The following KIF21A variants were observed in gnomAD, a reference collection of about 807,000 sequenced individuals.
The protein encoded by KIF21A is kinesin family member 21A.
In KIF21A, 114 loss-of-function variants were observed where a neutral mutation model predicts 202.9. The ratio of observed to expected loss-of-function variants is 0.56; its 90% CI spans 0.48 to 0.66. KIF21A has a LOEUF of 0.66. Ranked by LOEUF, KIF21A falls within the 30% of genes least tolerant of loss-of-function variation. The probability of loss-of-function intolerance (pLI) is 0.00; values close to 1 mark genes in which losing one functional copy is unlikely to be tolerated. For synonymous variants in KIF21A, 667 were observed against 670.8 expected (o/e 0.99, Z 0.09); for missense variants, 1,677 against 1,994.9 (o/e 0.84, Z 3.04).
At chr12:39,436,448 A>ATAT (rs1387332677) in intron 1 of KIF21A, among the ~76,000 whole-genome samples, 106 of 95,758 alleles carry the variant, frequency 1.1e-3, no homozygotes, top group Non-Finnish European at 1.6e-3. Context: ...ATATATATAT[A>ATAT]TTTTTTTTTT....
intron 24 of KIF21A, among the ~76,000 whole-genome samples, chr12:39,328,387 T>C (rs1222559439): frequency 1.3e-5 from 2 of 152,164 alleles, no homozygotes; most frequent in African/African-American, 2.4e-5. Context: ...TGTGAACTCT[T>C]ATCGTAGGGA....
rs570158689 is a variant in KIF21A at position 39,435,860 on chromosome 12, TACG to T, written c.44+7064_44+7066del. Among the ~76,000 whole-genome samples, 20 of 152,336 alleles carry T rather than the reference TACG, an allele frequency of 1.3e-4. No homozygotes were observed. In the South Asian group the frequency reaches 3.7e-3, roughly 28 times the overall value. ...AAAATTATTTTCAAATTAGACTACA[TACG>T]AATTTTATTTCTGTGGTTGTTGTGA... On this transcript the variant is annotated intron_variant, in intron 1 of 37. Coordinates refer to ENST00000361418, the MANE Select transcript of KIF21A (RefSeq NM_001173464.2).
chr12:39,333,301 A>C, intron 17 of KIF21A, 21 bp from the exon 18 acceptor site: 1 of 1,446,088 alleles, frequency 6.9e-7, no homozygotes, highest in Non-Finnish European at 9.7e-7. Flanking sequence ...ATATTAAATA[A>C]GTGGAAATAG....
At chr12:39,399,897 TA>T (rs1222853649) in intron 1 of KIF21A, among the ~76,000 whole-genome samples, 3 of 152,244 alleles carry the variant, frequency 2.0e-5, no homozygotes, top group African/African-American at 7.2e-5. Flanking sequence ...AATATATTTT[TA>T]TGTGACTCCA....
At position 39,443,016 on chromosome 12, in the gene KIF21A, A is replaced by G. The variant is rs1358250113; in HGVS notation, c.-46T>C. 2.7e-6 allele frequency: 4 copies of G among 1,497,856 alleles called. No homozygotes were observed. The highest frequency in any genetic ancestry group is 4.2e-5 in the Admixed American group (2 of 47,242). The allele number at this position is 1,497,856 out of a possible 1,614,324, so 92.8% of individuals were successfully genotyped here. On this transcript the variant is annotated 5_prime_UTR_variant, in exon 1 of 38. Transcript: ENST00000361418. ...GAGCCGTTGGGCCTCGGCACCGCAG[A>G]GCTGAGGCGCCACTGGGGCCGCGGG...
Position 39,358,176 on chromosome 12 carries a change from A to T in KIF21A, c.1215+2T>A. 1 of 1,613,520 alleles carries T rather than the reference A, an allele frequency of 6.2e-7. No homozygotes were observed. Among genetic ancestry groups the T allele is most frequent in the Non-Finnish European group, 8.5e-7 (1 of 1,179,492 alleles). ...AATGCAAAGTCAAACTCATTAGCTTACTGTTTTGTACTCCATGAGCTCCAT... is the reference window on the plus strand; with the variant it reads ...AATGCAAAGTCAAACTCATTAGCTTTCTGTTTTGTACTCCATGAGCTCCAT... On this transcript the variant is annotated splice_donor_variant, in intron 8 of 37. Transcript: ENST00000361418. LOFTEE classifies it high-confidence loss of function.
chr12:39,318,206 A>T lies in KIF21A; in HGVS notation c.3780-5T>A. ...TCTGAAGTTCCAGAATCTGAGCTAC[A>T]AGAAAAAAAGAACATTAAGTAGGTG... is the stretch of plus-strand genomic sequence containing the variant. On this transcript the variant is annotated splice_polypyrimidine_tract_variant and splice_region_variant and intron_variant, in intron 28 of 37. Transcript: ENST00000361418. The T allele has an allele frequency of 6.2e-7, 1 of 1,612,668 alleles. No homozygotes were observed. The highest frequency in any genetic ancestry group is 8.5e-7 in the Non-Finnish European group (1 of 1,178,908).
At chr12:39,413,366 T>A (rs1953271002) in intron 1 of KIF21A, among the ~76,000 whole-genome samples, 1 of 152,166 alleles carries the variant, frequency 6.6e-6, no homozygotes, top group Admixed American at 6.5e-5. Flanking sequence ...CCCTACCTAT[T>A]GAACGCTATC....
chr12:39,331,376 G>T (rs1018183997), intron 22 of KIF21A, among the ~76,000 whole-genome samples: 1 of 152,052 alleles, frequency 6.6e-6, no homozygotes, highest in African/African-American at 2.4e-5. Context: ...TGTTAAATTA[G>T]TTATGATACC....
In KIF21A at chr12:39,294,439, A is replaced by G; in HGVS notation, c.5010T>C (p.Asp1670=). The change falls in exon 38 of 38, where the codon GAT becomes GAC. Residue 1670 remains aspartate (D), a synonymous_variant. Coordinates refer to ENST00000361418, the MANE Select transcript of KIF21A (RefSeq NM_001173464.2). ...QISDTGDLGE[D]IASN ...TCATTCATGTTTAATTACTGGCAAT[A>G]TCTTCCCCCAGATCTCCTGTGTCAG... The G allele has an allele frequency of 1.2e-6, 2 of 1,612,514 alleles. No homozygotes were observed. Among genetic ancestry groups the G allele is most frequent in the Non-Finnish European group, 1.7e-6 (2 of 1,178,574 alleles).
intron 1 of KIF21A, among the ~76,000 whole-genome samples, chr12:39,390,218 T>C (rs1430231510): frequency 2.6e-5 from 4 of 152,072 alleles, no homozygotes; most frequent in African/African-American, 4.8e-5. Context: ...AACACCTAGG[T>C]TTTTTCTCAC....
At chr12:39,295,472 G>C (rs927891217) in intron 37 of KIF21A, among the ~76,000 whole-genome samples, 11 of 152,114 alleles carry the variant, frequency 7.2e-5, no homozygotes, top group African/African-American at 2.4e-4. Flanking sequence ...AAAAGGTTTA[G>C]TGGAGTGCCA....
intron 1 of KIF21A, among the ~76,000 whole-genome samples, chr12:39,397,043 C>A (rs773090687): frequency 2.6e-5 from 4 of 152,060 alleles, no homozygotes; most frequent in African/African-American, 4.8e-5. Flanking sequence ...CTGTAGTTGC[C>A]TGAGACCGAC....
At chr12:39,378,314 G>A (rs780306061) in intron 1 of KIF21A, among the ~76,000 whole-genome samples, 1 of 152,132 alleles carries the variant, frequency 6.6e-6, no homozygotes, top group Non-Finnish European at 1.5e-5. Context: ...GTAACATTGT[G>A]CCACTCTGTT....
chr12:39,379,990 C>T (rs925227276), intron 1 of KIF21A, among the ~76,000 whole-genome samples: 11 of 152,196 alleles, frequency 7.2e-5, no homozygotes, highest in Non-Finnish European at 1.5e-4. Context: ...TTTTAAGAGA[C>T]GGAGTCTCCC....
At chr12:39,400,925 G>A (rs755405433) in intron 1 of KIF21A, among the ~76,000 whole-genome samples, 28 of 152,262 alleles carry the variant, frequency 1.8e-4, no homozygotes, top group Non-Finnish European at 2.6e-4. Context: ...TTCTGCTCAG[G>A]TTTCACAAAG....
At chr12:39,354,021 T>C (rs144255084) in intron 10 of KIF21A, among the ~76,000 whole-genome samples, 2 of 152,278 alleles carry the variant, frequency 1.3e-5, no homozygotes, top group African/African-American at 4.8e-5. Context: ...CATTGGATCT[T>C]GGACCATCAA....
At chr12:39,327,730 C>T (rs1425087184) in intron 24 of KIF21A, among the ~76,000 whole-genome samples, 1 of 152,190 alleles carries the variant, frequency 6.6e-6, no homozygotes, top group African/African-American at 2.4e-5. Context: ...AGGCCCTCTT[C>T]AGGACCAAGT....
In KIF21A at chr12:39,354,559, T is replaced by C. The variant is rs569058821; in HGVS notation, c.1469+2273A>G. Among the ~76,000 whole-genome samples, 4 of 152,256 alleles carry C rather than the reference T, an allele frequency of 2.6e-5. No individual in the cohort carries two copies. In the East Asian group the frequency reaches 7.7e-4, roughly 29 times the overall value. Reference sequence around the variant, plus strand: ...GTGATTATTATTATCTCACAAGTAATGTGACATGTAAATTTATTAAAAGGT... The same window carrying C: ...GTGATTATTATTATCTCACAAGTAACGTGACATGTAAATTTATTAAAAGGT... On this transcript the variant is annotated intron_variant, in intron 10 of 37. Coordinates refer to ENST00000361418, the MANE Select transcript of KIF21A (RefSeq NM_001173464.2).
Sources: gnomAD v4.1 joint callset for allele counts (sites outside exome capture counted in the v4.1 genomes callset) on GRCh38, gnomAD v4.1.1 for gene constraint, MANE v1.5 for transcripts, NCBI Gene and HGNC (gene_info 2026-07-23, HGNC 2026-07-21) for gene names.